NR1H4: variants seen among roughly 807,000 people sequenced by gnomAD.
NR1H4 encodes the protein bile acid receptor.
Under a neutral mutation model 58.5 loss-of-function variants are expected in NR1H4, and 23 were observed. The ratio of observed to expected loss-of-function variants is 0.39; its 90% CI spans 0.28 to 0.56. The LOEUF (loss-of-function observed/expected upper bound fraction) is 0.56, where lower values mean the gene tolerates loss of function less well. NR1H4 is among the 20% of genes least tolerant of loss of function. The pLI is 0.58. For synonymous variants in NR1H4, 214 were observed against 198.0 expected, an observed-to-expected ratio of 1.08 and a Z score of -0.68; for missense variants, 487 against 576.9, an observed-to-expected ratio of 0.84 and a Z score of 1.60.
chr12:100,525,457 T>C (rs1247105008), intron 4 of NR1H4: 1 of 152,136 alleles, frequency 6.6e-6, no homozygotes, highest in Non-Finnish European at 1.5e-5. Flanking sequence ...TTGGTCCAAA[T>C]CATGTCAAAA....
intron 9 of NR1H4, among the ~76,000 whole-genome samples, chr12:100,554,039 G>A (rs1955267155): frequency 6.6e-6 from 1 of 152,232 alleles, no homozygotes; most frequent in Admixed American, 6.5e-5. Context: ...TGGCCATGGG[G>A]CAGGGAGGGG....
intron 3 of NR1H4, 81 bp from the exon 4 acceptor site, chr12:100,510,697 C>A: frequency 1.3e-6 from 2 of 1,496,520 alleles, no homozygotes; most frequent in Non-Finnish European, 1.9e-6. Context: ...AGAGCCCACA[C>A]TCCTAACCAT....
chr12:100,506,675 T>C (rs1479915096), intron 3 of NR1H4, among the ~76,000 whole-genome samples: 2 of 152,124 alleles, frequency 1.3e-5, no homozygotes, highest in Non-Finnish European at 1.5e-5. Flanking sequence ...GTCCAGCTAA[T>C]TTTTGTATCT....
chr12:100,511,166 T>C, intron 4 of NR1H4, 23 bp downstream of exon 4: 1 of 1,614,164 alleles, frequency 6.2e-7, no homozygotes, highest in Non-Finnish European at 8.5e-7. Context: ...GATTGGCAGT[T>C]TTCTCCTTCA....
At chr12:100,475,876 C>T (rs1953258398) in intron 1 of NR1H4, among the ~76,000 whole-genome samples, 1 of 152,132 alleles carries the variant, frequency 6.6e-6, no homozygotes, top group South Asian at 2.1e-4. Context: ...GCTGGTACTA[C>T]AGGCGTGCAC....
At chr12:100,556,397 G>A (rs552220081) in intron 9 of NR1H4, among the ~76,000 whole-genome samples, 2 of 151,624 alleles carry the variant, frequency 1.3e-5, no homozygotes, top group South Asian at 4.2e-4. Flanking sequence ...AACCTGGGAG[G>A]CGGAGTTTGC....
chr12:100,491,196 T>G (rs1429130663), intron 1 of NR1H4, among the ~76,000 whole-genome samples: 1 of 152,068 alleles, frequency 6.6e-6, no homozygotes, highest in East Asian at 1.9e-4. Flanking sequence ...CCTTGGGGTC[T>G]CTTCATGTTT....
chr12:100,531,820 G>A (rs956726863), intron 4 of NR1H4, among the ~76,000 whole-genome samples: 7 of 152,166 alleles, frequency 4.6e-5, no homozygotes, highest in African/African-American at 1.7e-4. Flanking sequence ...GGAGATGGTT[G>A]CTTTTAGCTC....
chr12:100,562,158 ACTT>A (rs1487916496), intron 10 of NR1H4, among the ~76,000 whole-genome samples, 160 bp downstream of exon 10: 2 of 152,196 alleles, frequency 1.3e-5, no homozygotes, highest in African/African-American at 2.4e-5. Context: ...CTTTCAGTGC[ACTT>A]CTTTTCAGTC....
At chr12:100,550,404 G>C (rs193127401) in intron 9 of NR1H4, among the ~76,000 whole-genome samples, 1 of 151,798 alleles carries the variant, frequency 6.6e-6, no homozygotes, top group African/African-American at 2.4e-5. Flanking sequence ...CATTCTTATC[G>C]TCCAGGCTAG....
rs759682014 is a variant in NR1H4 at position 100,534,996 on chromosome 12, A to G, written c.705A>G (p.Gln235=). ...ACAGTGAAGGTCGTGACTTGCGACA[A>G]GTGACCTCGACAACAAAGTCATGCA... ...NEDSEGRDLR[Q]VTSTTKSCRE... Residue 235 remains glutamine, a synonymous_variant, in exon 6 of 11, where the codon CAA becomes CAG. Transcript: ENST00000392986. The G allele has an allele frequency of 1.2e-6, 2 of 1,614,252 alleles. No individual in the cohort carries two copies. The highest frequency in any genetic ancestry group is 1.1e-5 in the South Asian group (1 of 91,088).
chr12:100,536,349 G>A (rs1182606256), intron 6 of NR1H4, among the ~76,000 whole-genome samples, 163 bp from the exon 7 acceptor site: 1 of 151,640 alleles, frequency 6.6e-6, no homozygotes, highest in African/African-American at 2.4e-5. Context: ...TGAGGACCCA[G>A]AGAAAGAAAT....
At chr12:100,481,610 C>T (rs990095820) in intron 1 of NR1H4, among the ~76,000 whole-genome samples, 4 of 151,690 alleles carry the variant, frequency 2.6e-5, no homozygotes, top group Admixed American at 2.6e-4. Context: ...CCTGTCTCTA[C>T]AAAAAATTAA....
intron 1 of NR1H4, among the ~76,000 whole-genome samples, chr12:100,475,796 C>T (rs182267400): frequency 7.6e-4 from 116 of 152,156 alleles, no homozygotes; most frequent in African/African-American, 2.5e-3. Context: ...AGTGCAGTGG[C>T]GCTATATCGG....
intron 9 of NR1H4, among the ~76,000 whole-genome samples, chr12:100,556,482 C>T (rs35736): frequency 7.0e-6 from 1 of 143,460 alleles, no homozygotes; most frequent in African/African-American, 2.5e-5. Context: ...AAAAAAAAAA[C>T]AAAAAACAAA....
chr12:100,548,454 G>A (rs1319094807), intron 9 of NR1H4, among the ~76,000 whole-genome samples: 2 of 151,864 alleles, frequency 1.3e-5, no homozygotes, highest in Non-Finnish European at 2.9e-5. Flanking sequence ...GAACAGGCAA[G>A]GCTTTCTGAC....
At position 100,505,627 on chromosome 12, in the gene NR1H4, T is replaced by A. The variant is rs1402197181; in HGVS notation, c.80-5151T>A. 2.0e-5 allele frequency: 14 copies of A among 701,414 alleles called. No homozygotes were observed. In the East Asian group the frequency reaches 3.8e-4, roughly 19 times the overall value. The allele number at this position is 701,414 out of a possible 1,614,324, so 43.4% of individuals were successfully genotyped here. On this transcript the variant is annotated intron_variant, in intron 3 of 10. Transcript: ENST00000392986. The stretch of plus-strand genomic sequence containing the variant: ...CCATGTGTTCTCATTTAAGAACTCG[T>A]CCCTAAACTTCCATGGAGAACCGTC...
chr12:100,522,031 T>G (rs377433795), intron 4 of NR1H4, among the ~76,000 whole-genome samples: 13 of 152,130 alleles, frequency 8.5e-5, no homozygotes, highest in African/African-American at 3.1e-4. Flanking sequence ...CCAGGTGTCC[T>G]AAATTACTTA....
In NR1H4 at chr12:100,558,439, G is replaced by A. The variant is rs370338790; in HGVS notation, c.1079-3446G>A. Among the ~76,000 whole-genome samples the A allele has an allele frequency of 5.3e-5, 8 of 150,418 alleles. No individual in the cohort carries two copies. In the East Asian group the frequency reaches 5.9e-4, roughly 11 times the overall value. ...AGTAGCACAATCACAGCTTACTGCA[G>A]CCTCAACCTCCAGGCTTAAGCGATC... On this transcript the variant is annotated intron_variant, in intron 9 of 10. Transcript: ENST00000392986.
Sources: gnomAD v4.1 joint callset for allele counts (sites outside exome capture counted in the v4.1 genomes callset) on GRCh38, gnomAD v4.1.1 for gene constraint, MANE v1.5 for transcripts, NCBI Gene and HGNC (gene_info 2026-07-23, HGNC 2026-07-21) for gene names.